Variants in TBC1D5 observed in about 807,000 individuals in gnomAD.
TBC1D5 encodes TBC1 domain family member 5, also known as TBC1 domain family, member 5.
Under a neutral mutation model 100.3 loss-of-function variants are expected in TBC1D5, and 75 were observed. The ratio of observed to expected loss-of-function variants is 0.75; its 90% CI spans 0.62 to 0.91. The LOEUF is 0.91. Among genes scored for constraint, TBC1D5 ranks in the 40% least tolerant of loss-of-function variants. The pLI is 0.00. For missense variants in TBC1D5, 910 were observed against 942.4 expected, an observed-to-expected ratio of 0.97 and a Z score of 0.45; for synonymous variants, 323 against 325.6, an observed-to-expected ratio of 0.99 and a Z score of 0.09.
chr3:17,554,846 C>CA (rs968563641), intron 2 of TBC1D5, among the ~76,000 whole-genome samples: 1 of 144,652 alleles, frequency 6.9e-6, no homozygotes, highest in Non-Finnish European at 1.5e-5. Flanking sequence ...AATATCTGTG[C>CA]TTTTTTTTTT....
At chr3:17,487,754 A>G (rs2150460691) in intron 3 of TBC1D5, among the ~76,000 whole-genome samples, 1 of 152,322 alleles carries the variant, frequency 6.6e-6, no homozygotes, top group South Asian at 2.1e-4. Flanking sequence ...AAGTTATGGT[A>G]CCATCTGAAA....
At chr3:17,742,163 TCGCCCTGCC>T (rs539549030), upstream of TBC1D5, among the ~76,000 whole-genome samples, 107 of 152,178 alleles carry the variant, frequency 7.0e-4, no homozygotes, top group Non-Finnish European at 1.0e-3. Flanking sequence ...CCCGCCCAGC[TCGCCCTGCC>T]CGCCCTGCCC....
chr3:17,586,910 ACTATT>A (rs1223636251), intron 2 of TBC1D5, among the ~76,000 whole-genome samples: 1 of 152,094 alleles, frequency 6.6e-6, no homozygotes, highest in East Asian at 1.9e-4. Flanking sequence ...TGAGGAACAT[ACTATT>A]CTAACACATA....
At chr3:17,345,182 C>T (rs1424921047) in intron 13 of TBC1D5, among the ~76,000 whole-genome samples, 1 of 151,786 alleles carries the variant, frequency 6.6e-6, no homozygotes, top group Non-Finnish European at 1.5e-5. Context: ...TGACAAAGGG[C>T]TAATATCCAG....
At chr3:17,705,138 A>G (rs867034981) in intron 1 of TBC1D5, among the ~76,000 whole-genome samples, 22 of 38,928 alleles carry the variant, frequency 5.7e-4, no homozygotes, top group Admixed American at 1.0e-3. Context: ...GCGGCTGGCC[A>G]GGCGGGGGGC....
chr3:17,730,299 C>T (rs969604919), intron 1 of TBC1D5, among the ~76,000 whole-genome samples: 3 of 152,114 alleles, frequency 2.0e-5, no homozygotes, highest in African/African-American at 7.2e-5. Flanking sequence ...AATTCTCTTC[C>T]TCTTGAATCT....
chr3:17,650,656 G>A (rs1021983265), intron 1 of TBC1D5, among the ~76,000 whole-genome samples: 3 of 152,134 alleles, frequency 2.0e-5, no homozygotes, highest in African/African-American at 7.2e-5. Context: ...TCACATAGTG[G>A]CTCTGTATTG....
intron 1 of TBC1D5, among the ~76,000 whole-genome samples, chr3:17,694,118 T>TA (rs2071617796): frequency 6.6e-6 from 1 of 152,132 alleles, no homozygotes; most frequent in South Asian, 2.1e-4. Context: ...CAAAGGTGGA[T>TA]AAAATCACAA....
intron 13 of TBC1D5, among the ~76,000 whole-genome samples, chr3:17,354,784 T>C (rs2091037007): frequency 6.6e-6 from 1 of 150,834 alleles, no homozygotes; most frequent in Admixed American, 6.6e-5. Context: ...CTAGAAGAAG[T>C]CAAAGTGCAT....
intron 13 of TBC1D5, among the ~76,000 whole-genome samples, chr3:17,345,690 A>G (rs1284243653): frequency 5.3e-5 from 8 of 151,044 alleles, no homozygotes; most frequent in Non-Finnish European, 1.0e-4. Context: ...ACAATGATAG[A>G]CTGGATTAAG....
chr3:17,680,388 T>C (rs896941861), intron 1 of TBC1D5, among the ~76,000 whole-genome samples: 1 of 150,610 alleles, frequency 6.6e-6, no homozygotes, highest in Admixed American at 6.6e-5. Context: ...ATCTGGCTGA[T>C]TTTTTTTATT....
rs1210798380 is a variant in TBC1D5 at position 17,401,282 on chromosome 3, CAT to C, written c.509+1897_509+1898del. On this transcript the variant is annotated intron_variant, in intron 8 of 21. Coordinates refer to ENST00000253692, the Ensembl canonical transcript of TBC1D5. ...CATATATATGTATGTGTATAATACA[CAT>C]ATATATGTATGTGTATAATACACAT... 8.9e-5 allele frequency among the ~76,000 whole-genome samples: 13 copies of C among 146,096 alleles called. 3 individuals carry two copies. Among genetic ancestry groups the C allele is most frequent in the African/African-American group, 1.8e-4 (7 of 39,306 alleles).
At chr3:17,491,904 G>A (rs554752604) in intron 3 of TBC1D5, among the ~76,000 whole-genome samples, 35 of 152,234 alleles carry the variant, frequency 2.3e-4, no homozygotes, top group African/African-American at 6.5e-4. Context: ...GATAGAATTT[G>A]GCTGGAAATC....
intron 13 of TBC1D5, among the ~76,000 whole-genome samples, chr3:17,365,821 C>T (rs73145896): frequency 0.09 from 13,681 of 152,162 alleles, 1,415 homozygotes; most frequent in African/African-American, 0.25. Context: ...AGCTTTCTAC[C>T]ACACTTATAG....
intron 15 of TBC1D5, among the ~76,000 whole-genome samples, chr3:17,286,985 T>A (rs192059852): frequency 3.9e-4 from 59 of 152,374 alleles, no homozygotes; most frequent in Admixed American, 3.7e-3. Flanking sequence ...CTAGATTCTT[T>A]GCTATGTCTT....
chr3:17,713,926 G>A (rs2153944040), intron 1 of TBC1D5, among the ~76,000 whole-genome samples: 1 of 152,254 alleles, frequency 6.6e-6, no homozygotes, highest in South Asian at 2.1e-4. Flanking sequence ...AACCAGTTTT[G>A]TCAAAATCAT....
At chr3:17,322,540 GA>G (rs201599455) in intron 13 of TBC1D5, among the ~76,000 whole-genome samples, 4,609 of 152,298 alleles carry the variant, frequency 0.03, 102 homozygotes, top group Non-Finnish European at 0.045. Context: ...TTTTTACCTG[GA>G]TGTGCTTTTG....
At chr3:17,182,637 G>GCAAA (rs1235149937) in intron 19 of TBC1D5, among the ~76,000 whole-genome samples, 1 of 152,110 alleles carries the variant, frequency 6.6e-6, no homozygotes, top group Non-Finnish European at 1.5e-5. Context: ...GTCAAGTAAT[G>GCAAA]CAAAGGTCAT....
chr3:17,162,006 A>G lies in TBC1D5; in HGVS notation c.2095-750T>C, dbSNP rs1201942689. On this transcript the variant is annotated intron_variant, in intron 21 of 21. Transcript: ENST00000253692. ...ATTATTTTCTTTCTAAGCAATTATGAGTGGCTTTTTATTTTTTAACTTACT... is the reference window on the plus strand; with the variant it reads ...ATTATTTTCTTTCTAAGCAATTATGGGTGGCTTTTTATTTTTTAACTTACT... Among the ~76,000 whole-genome samples the G allele has an allele frequency of 2.0e-5, 3 of 150,990 alleles. No homozygotes were observed. The East Asian group carries it at 5.8e-4, about 29-fold the overall frequency.
Sources: gnomAD v4.1 joint callset for allele counts (sites outside exome capture counted in the v4.1 genomes callset) on GRCh38, gnomAD v4.1.1 for gene constraint, MANE v1.5 for transcripts, NCBI Gene and HGNC (gene_info 2026-07-23, HGNC 2026-07-21) for gene names.